The following CNTN5 variants were observed in gnomAD, a reference collection of about 807,000 sequenced individuals.
CNTN5 encodes the protein contactin 5.
Under a neutral mutation model 129.1 loss-of-function variants are expected in CNTN5, and 77 were observed. That is an observed-to-expected ratio of 0.60 (90% CI 0.50 to 0.72). CNTN5 has a LOEUF of 0.72. Ranked by LOEUF, CNTN5 falls within the 30% of genes least tolerant of loss-of-function variation. CNTN5 has a pLI of 0.00. For missense variants in CNTN5, 1,478 were observed against 1,328.8 expected, an observed-to-expected ratio of 1.11 and a Z score of -1.75; for synonymous variants, 509 against 465.6, an observed-to-expected ratio of 1.09 and a Z score of -1.20.
intron 3 of CNTN5, among the ~76,000 whole-genome samples, chr11:99,584,685 C>G (rs1591318043): frequency 6.6e-6 from 1 of 152,210 alleles, no homozygotes; most frequent in Non-Finnish European, 1.5e-5. Context: ...GAGGCATACA[C>G]AAAGCACTTC....
At chr11:99,377,697 T>G (rs1203196281) in intron 2 of CNTN5, among the ~76,000 whole-genome samples, 1 of 152,146 alleles carries the variant, frequency 6.6e-6, no homozygotes, top group Non-Finnish European at 1.5e-5. Flanking sequence ...TAGTGCTACA[T>G]ATTATTTCCT....
At chr11:99,563,229 G>T (rs900394257) in intron 3 of CNTN5, among the ~76,000 whole-genome samples, 1 of 152,176 alleles carries the variant, frequency 6.6e-6, no homozygotes, top group African/African-American at 2.4e-5. Context: ...TTTAATGATA[G>T]TAATAGTTAC....
chr11:99,130,821 A>G (rs915001968), intron 1 of CNTN5, among the ~76,000 whole-genome samples: 12 of 152,126 alleles, frequency 7.9e-5, no homozygotes, highest in African/African-American at 2.9e-4. Context: ...TCAAAACCAC[A>G]CAACTACATA....
chr11:100,189,112 A>T (rs1183383037), intron 13 of CNTN5, among the ~76,000 whole-genome samples: 1 of 152,048 alleles, frequency 6.6e-6, no homozygotes, highest in African/African-American at 2.4e-5. Context: ...GAGTTGAAAA[A>T]CTAACTATTG....
intron 6 of CNTN5, among the ~76,000 whole-genome samples, chr11:99,854,485 G>A (rs891116548): frequency 2.2e-4 from 34 of 152,262 alleles, no homozygotes; most frequent in Non-Finnish European, 4.3e-4. Flanking sequence ...CTCTGTGGGA[G>A]GCTTGAAAAT....
At chr11:99,943,140 A>G (rs960123774) in intron 7 of CNTN5, among the ~76,000 whole-genome samples, 18 of 152,122 alleles carry the variant, frequency 1.2e-4, no homozygotes, top group African/African-American at 4.3e-4. Flanking sequence ...GAACTAATTT[A>G]CATTCCCTCC....
chr11:99,869,811 G>A (rs1038391606), intron 6 of CNTN5, among the ~76,000 whole-genome samples: 1 of 152,160 alleles, frequency 6.6e-6, no homozygotes, highest in Admixed American at 6.6e-5. Flanking sequence ...ATTAAATTCA[G>A]ATCTATGTGG....
chr11:99,431,842 C>T (rs1273915105), intron 2 of CNTN5, among the ~76,000 whole-genome samples: 1 of 152,024 alleles, frequency 6.6e-6, no homozygotes, highest in African/African-American at 2.4e-5. Flanking sequence ...CAGAAACGGG[C>T]TGGAGGGTCA....
At chr11:99,199,407 T>A (rs1859057124) in intron 1 of CNTN5, among the ~76,000 whole-genome samples, 1 of 152,184 alleles carries the variant, frequency 6.6e-6, no homozygotes. Context: ...TTATGAGAAA[T>A]AGCTTATATA....
chr11:99,081,890 T>C (rs1865815954), intron 1 of CNTN5, among the ~76,000 whole-genome samples: 1 of 152,152 alleles, frequency 6.6e-6, no homozygotes. Flanking sequence ...TTTAGAGCCA[T>C]TACACCCTTT....
chr11:99,124,579 ACT>A (rs1422505502), intron 1 of CNTN5, among the ~76,000 whole-genome samples: 1 of 152,070 alleles, frequency 6.6e-6, no homozygotes, highest in Non-Finnish European at 1.5e-5. Context: ...GGGCAAACCA[ACT>A]CTAAAGCTAG....
intron 3 of CNTN5, among the ~76,000 whole-genome samples, chr11:99,583,700 C>G (rs1406444955): frequency 2.0e-5 from 3 of 152,160 alleles, no homozygotes; most frequent in African/African-American, 7.2e-5. Flanking sequence ...TGGGAGTGAC[C>G]TGATTTTCCA....
Position 99,239,471 on chromosome 11 carries a change from CAT to C in CNTN5, c.-209-85872_-209-85871del, listed in dbSNP as rs1318221920. 2.6e-5 allele frequency among the ~76,000 whole-genome samples: 4 copies of C among 152,188 alleles called. No homozygotes were observed. In the East Asian group the frequency reaches 7.7e-4, roughly 29 times the overall value. On this transcript the variant is annotated intron_variant, in intron 1 of 24. Coordinates refer to ENST00000524871, the MANE Select transcript of CNTN5 (RefSeq NM_014361.4). ...ACATATTAGGCGACCTCTGTTTTTC[CAT>C]ATGAATTGCTTTTAAAATTGTTGAA...
chr11:100,286,014 G>T (rs1950778257), intron 18 of CNTN5, among the ~76,000 whole-genome samples: 1 of 152,170 alleles, frequency 6.6e-6, no homozygotes, highest in Non-Finnish European at 1.5e-5. Context: ...TGGAAAATCG[G>T]GTCACTCCCA....
rs578078644 is a variant in CNTN5, at chr11:100,286,220, G to A, written c.2315-11405G>A. Reference sequence around the variant, plus strand: ...GCCCAGGCTTGCTTAGGTAAACAAAGCAGCAGGGAAGCTCCAACTGGGTGG... The same window carrying A: ...GCCCAGGCTTGCTTAGGTAAACAAAACAGCAGGGAAGCTCCAACTGGGTGG... On this transcript the variant is annotated intron_variant, in intron 18 of 24. Transcript: ENST00000524871. 3.0e-3 allele frequency among the ~76,000 whole-genome samples: 454 copies of A among 152,334 alleles called. 3 individuals are homozygous for A. The highest frequency in any genetic ancestry group is 4.9e-3 in the Non-Finnish European group (330 of 68,026).
rs1947541621 is a variant in CNTN5, at chr11:100,164,043, T to A, written c.1581-27083T>A. Among the ~76,000 whole-genome samples, 4 of 151,936 alleles carry A rather than the reference T, an allele frequency of 2.6e-5. 1 individual carries two copies. The highest frequency in any genetic ancestry group is 2.6e-4 in the Admixed American group (4 of 15,212). ...AACCACAAAGGTGAGTTTGAAAGAT[T>A]CTTTAAAAACTAGGACTAGCCTACT... On this transcript the variant is annotated intron_variant, in intron 13 of 24. Coordinates refer to ENST00000524871, the MANE Select transcript of CNTN5 (RefSeq NM_014361.4).
chr11:99,881,285 TTTTTAAG>T (rs747607784), intron 6 of CNTN5, among the ~76,000 whole-genome samples: 17 of 152,160 alleles, frequency 1.1e-4, no homozygotes, highest in Non-Finnish European at 2.1e-4. Flanking sequence ...TAGGAAACAG[TTTTTAAG>T]TTTTGACAGT....
At chr11:99,663,517 A>C (rs1952673428) in intron 3 of CNTN5, among the ~76,000 whole-genome samples, 1 of 152,094 alleles carries the variant, frequency 6.6e-6, no homozygotes, top group African/African-American at 2.4e-5. Context: ...ACGTTAAATG[A>C]ATTTAATGGT....
intron 13 of CNTN5, among the ~76,000 whole-genome samples, chr11:100,086,164 G>T (rs1274330957): frequency 6.6e-6 from 1 of 151,564 alleles, no homozygotes; most frequent in Non-Finnish European, 1.5e-5. Context: ...GTCTTTGAAA[G>T]ACTCAGTTCA....
Sources: gnomAD v4.1 joint callset for allele counts (sites outside exome capture counted in the v4.1 genomes callset) on GRCh38, gnomAD v4.1.1 for gene constraint, MANE v1.5 for transcripts, NCBI Gene and HGNC (gene_info 2026-07-23, HGNC 2026-07-21) for gene names.